The following ARHGAP20 variants were observed in gnomAD, a reference collection of about 807,000 sequenced individuals.
ARHGAP20 encodes rho GTPase-activating protein 20.
Under a neutral mutation model 73.7 loss-of-function variants are expected in ARHGAP20, and 34 were observed. The ratio of observed to expected loss-of-function variants is 0.46; its 90% confidence interval spans 0.35 to 0.61. ARHGAP20 has a LOEUF of 0.61. Among genes scored for constraint, ARHGAP20 ranks in the 20% least tolerant of loss-of-function variants. The pLI, the probability that ARHGAP20 is intolerant of heterozygous loss-of-function variation, is 0.00. For missense variants in ARHGAP20, 1,314 were observed against 1,420.9 expected, an observed-to-expected ratio of 0.92 and a Z score of 1.21; for synonymous variants, 523 against 518.2, an observed-to-expected ratio of 1.01 and a Z score of -0.13.
At position 110,579,218 on chromosome 11, in the gene ARHGAP20, A is replaced by C. The variant is rs945466016; in HGVS notation, c.*152T>G. On this transcript the variant is annotated 3_prime_UTR_variant, in exon 15 of 15. Coordinates refer to ENST00000683387, the MANE Select transcript of ARHGAP20 (RefSeq NM_001384657.1). ...CATAAAGTATTTGTCAAGTAGTCTC[A>C]ATAAAGAGAATTATTTCGTTGTCCT... The C allele has an allele frequency of 3.0e-6, 4 of 1,349,266 alleles. No individual in the cohort carries two copies. The African/African-American group carries it at 5.8e-5, about 20-fold the overall frequency. The allele number at this position is 1,349,266 out of a possible 1,614,324, so 83.6% of individuals were successfully genotyped here.
chr11:110,673,159 G>A lies in ARHGAP20; in HGVS notation c.188+17388C>T, dbSNP rs566480879. On this transcript the variant is annotated intron_variant, in intron 2 of 14. Transcript: ENST00000683387. ...GAGGGATATTTCCATTTGATAAAAG[G>A]TATAACACACCAAAAGATCCTAAAC... Among the ~76,000 whole-genome samples the A allele has an allele frequency of 5.9e-5, 9 of 152,126 alleles. No individual in the cohort carries two copies. The East Asian group carries it at 1.7e-3, about 29-fold the overall frequency.
At chr11:110,710,236 T>C (rs1227600823) in intron 1 of ARHGAP20, among the ~76,000 whole-genome samples, 2 of 152,210 alleles carry the variant, frequency 1.3e-5, no homozygotes, top group African/African-American at 4.8e-5. Flanking sequence ...GTTGGAAAGG[T>C]AGGTACTGGT....
intron 2 of ARHGAP20, among the ~76,000 whole-genome samples, chr11:110,642,126 T>TA (rs1191073085): frequency 6.6e-6 from 1 of 152,216 alleles, no homozygotes; most frequent in South Asian, 2.1e-4. Flanking sequence ...CTTCTAAAGT[T>TA]AAAAAACTAA....
intron 2 of ARHGAP20, among the ~76,000 whole-genome samples, chr11:110,670,942 T>C (rs1312148186): frequency 6.6e-6 from 1 of 151,952 alleles, no homozygotes; most frequent in Non-Finnish European, 1.5e-5. Context: ...GATGACTAAA[T>C]CTAACGTGGT....
intron 2 of ARHGAP20, among the ~76,000 whole-genome samples, chr11:110,649,981 T>G (rs1949313144): frequency 6.6e-6 from 1 of 152,158 alleles, no homozygotes; most frequent in Non-Finnish European, 1.5e-5. Context: ...TTTCTTGATC[T>G]TTCTCCTCTC....
chr11:110,675,377 A>G (rs1949909756), intron 2 of ARHGAP20, among the ~76,000 whole-genome samples: 1 of 152,156 alleles, frequency 6.6e-6, no homozygotes, highest in African/African-American at 2.4e-5. Flanking sequence ...TCTAACTTAA[A>G]TTCTCATTGC....
At chr11:110,642,652 A>G (rs1949100871) in intron 2 of ARHGAP20, among the ~76,000 whole-genome samples, 1 of 152,062 alleles carries the variant, frequency 6.6e-6, no homozygotes, top group African/African-American at 2.4e-5. Context: ...GTTGTGGTGA[A>G]TTAACTTTTT....
At chr11:110,582,459 G>T in intron 13 of ARHGAP20, 24 bp from the exon 14 acceptor site, 1 of 1,429,446 alleles carries the variant, frequency 7.0e-7, no homozygotes, top group Non-Finnish European at 9.8e-7. Flanking sequence ...GACAAACGAA[G>T]TATTACTTTT....
intron 6 of ARHGAP20, among the ~76,000 whole-genome samples, chr11:110,612,041 TATC>T (rs1410849433): frequency 6.6e-6 from 1 of 152,190 alleles, no homozygotes; most frequent in Non-Finnish European, 1.5e-5. Flanking sequence ...TCAATTCTAT[TATC>T]AACTCTGCCA....
intron 2 of ARHGAP20, among the ~76,000 whole-genome samples, chr11:110,659,681 T>G (rs900504698): frequency 1.3e-5 from 2 of 152,030 alleles, no homozygotes; most frequent in Non-Finnish European, 2.9e-5. Flanking sequence ...TAGACTGGAT[T>G]AAGAAAATGT....
At chr11:110,583,042 G>C (rs1947515942) in intron 13 of ARHGAP20, among the ~76,000 whole-genome samples, 1 of 152,212 alleles carries the variant, frequency 6.6e-6, no homozygotes, top group Admixed American at 6.5e-5. Flanking sequence ...CAGTAGCTGA[G>C]GCCAAGGGGC....
intron 9 of ARHGAP20, among the ~76,000 whole-genome samples, chr11:110,602,231 TTA>T: frequency 6.6e-6 from 1 of 152,044 alleles, no homozygotes; most frequent in Middle Eastern, 3.4e-3. Context: ...TCTTTTTTTT[TTA>T]TTACTTATTA....
At chr11:110,679,065 C>T (rs1264063517) in intron 2 of ARHGAP20, among the ~76,000 whole-genome samples, 1 of 152,188 alleles carries the variant, frequency 6.6e-6, no homozygotes, top group Non-Finnish European at 1.5e-5. Context: ...AGTAAGATTT[C>T]AACCAGGGCT....
intron 2 of ARHGAP20, among the ~76,000 whole-genome samples, chr11:110,656,573 T>A (rs1032577715): frequency 3.9e-5 from 6 of 152,164 alleles, no homozygotes; most frequent in African/African-American, 1.4e-4. Context: ...GGGTTTTGCT[T>A]CTACCTCTCC....
At chr11:110,585,004 A>AAT (rs1947607681) in intron 12 of ARHGAP20, among the ~76,000 whole-genome samples, 1 of 143,780 alleles carries the variant, frequency 7.0e-6, no homozygotes, top group Non-Finnish European at 1.5e-5. Flanking sequence ...TGAATATATG[A>AAT]ATATGTATGT....
chr11:110,676,929 T>C (rs959962829), intron 2 of ARHGAP20, among the ~76,000 whole-genome samples: 1 of 152,196 alleles, frequency 6.6e-6, no homozygotes, highest in African/African-American at 2.4e-5. Context: ...CATTATTTTA[T>C]AGACTCTACA....
At chr11:110,655,065 A>G (rs1251965434) in intron 2 of ARHGAP20, among the ~76,000 whole-genome samples, 2 of 152,194 alleles carry the variant, frequency 1.3e-5, no homozygotes, top group East Asian at 1.9e-4. Context: ...GAGCTACTCT[A>G]GACTATATTC....
At chr11:110,669,904 A>G (rs140474939) in intron 2 of ARHGAP20, among the ~76,000 whole-genome samples, 42 of 152,252 alleles carry the variant, frequency 2.8e-4, no homozygotes, top group African/African-American at 9.6e-4. Flanking sequence ...AATTTAAAAA[A>G]CCCTACTGTC....
intron 4 of ARHGAP20, among the ~76,000 whole-genome samples, chr11:110,619,444 A>G (rs1321394416): frequency 6.6e-6 from 1 of 151,232 alleles, no homozygotes; most frequent in South Asian, 2.1e-4. Context: ...GCAGTGATAG[A>G]GTATATGTAG....
Sources: gnomAD v4.1 joint callset for allele counts (sites outside exome capture counted in the v4.1 genomes callset) on GRCh38, gnomAD v4.1.1 for gene constraint, MANE v1.5 for transcripts, NCBI Gene and HGNC (gene_info 2026-07-23, HGNC 2026-07-21) for gene names.